The following STON2 variants were observed in gnomAD, a reference collection of about 807,000 sequenced individuals.
STON2 encodes stonin-2.
Under a neutral mutation model 65.7 loss-of-function variants are expected in STON2, and 29 were observed. That is an observed-to-expected ratio of 0.44 (90% CI 0.33 to 0.60). STON2 has a LOEUF of 0.60. Ranked by LOEUF, STON2 falls within the 20% of genes least tolerant of loss-of-function variation. STON2 has a pLI of 0.03. For missense variants in STON2, 1,054 were observed against 1,118.1 expected, an observed-to-expected ratio of 0.94 and a Z score of 0.82; for synonymous variants, 404 against 414.2, an observed-to-expected ratio of 0.98 and a Z score of 0.30.
chr14:81,315,021 T>C (rs1270390806), intron 5 of STON2, among the ~76,000 whole-genome samples: 1 of 152,052 alleles, frequency 6.6e-6, no homozygotes, highest in East Asian at 1.9e-4. Flanking sequence ...AACACCTCCA[T>C]TTTGCATTCT....
At chr14:81,365,179 C>G (rs929925583) in intron 4 of STON2, among the ~76,000 whole-genome samples, 8 of 152,110 alleles carry the variant, frequency 5.3e-5, no homozygotes, top group African/African-American at 1.9e-4. Context: ...TGTCCAGTCT[C>G]CCGCCACTGG....
At chr14:81,425,339 G>C (rs1350498757) in intron 2 of STON2, among the ~76,000 whole-genome samples, 2 of 152,156 alleles carry the variant, frequency 1.3e-5, no homozygotes. Context: ...AGAGGCTGAG[G>C]AGGAGGGAGG....
At chr14:81,280,084 T>C (rs1895045105) in intron 5 of STON2, among the ~76,000 whole-genome samples, 2 of 152,352 alleles carry the variant, frequency 1.3e-5, no homozygotes, top group Non-Finnish European at 2.9e-5. Context: ...AAAATGCTCA[T>C]GATATAATCT....
At chr14:81,284,724 T>C (rs1895266238) in intron 5 of STON2, among the ~76,000 whole-genome samples, 1 of 152,314 alleles carries the variant, frequency 6.6e-6, no homozygotes, top group African/African-American at 2.4e-5. Flanking sequence ...AGATGCCATC[T>C]AGGATGTTAA....
At position 81,278,361 on chromosome 14, in the gene STON2, T is replaced by C. The variant is rs1372914337; in HGVS notation, c.1121A>G (p.Asn374Ser). The C allele has an allele frequency of 1.2e-6, 2 of 1,614,168 alleles. No individual in the cohort carries two copies. The highest frequency in any genetic ancestry group is 1.1e-5 in the South Asian group (1 of 91,086). ...GGGCTGTACATCCTGCAGAGTCTCA[T>C]TCAGGAAAGGGTTGGTTGCCCTCCA... is the stretch of plus-strand genomic sequence containing the variant. ...SPWRATNPFL[N>S]ETLQDVQPSP... Residue 374 changes from asparagine to serine, a missense_variant, in exon 6 of 8, where the codon AAT becomes AGT. Coordinates refer to ENST00000614646, the MANE Select transcript of STON2 (RefSeq NM_001394390.1).
Position 81,291,858 on chromosome 14 carries a change from TACACACACACAC to T in STON2, c.743-13131_743-13120del, listed in dbSNP as rs59366676. 5.7e-3 allele frequency among the ~76,000 whole-genome samples: 789 copies of T among 137,798 alleles called. 7 individuals are homozygous for T. Among genetic ancestry groups the T allele is most frequent in the Middle Eastern group, 0.021 (6 of 282 alleles). The allele number at this position is 137,798 out of a possible 152,430, so 90.4% of individuals were successfully genotyped here. A position where few individuals can be genotyped will look rare whatever the true frequency, so the allele number is the denominator to read the frequency against. On this transcript the variant is annotated intron_variant, in intron 5 of 7. Coordinates refer to ENST00000614646, the MANE Select transcript of STON2 (RefSeq NM_001394390.1). ...GCATGTTTCAAATACTTAGCATGGG[TACACACACACAC>T]ACACACACACACACACACACACACA...
intron 6 of STON2, among the ~76,000 whole-genome samples, chr14:81,271,699 G>T (rs769707265): frequency 6.6e-6 from 1 of 152,190 alleles, no homozygotes; most frequent in African/African-American, 2.4e-5. Context: ...TTTTACTTGA[G>T]AATTGTTATT....
intron 5 of STON2, among the ~76,000 whole-genome samples, chr14:81,309,952 T>C (rs1896358285): frequency 6.6e-6 from 1 of 152,094 alleles, no homozygotes; most frequent in South Asian, 2.1e-4. Flanking sequence ...GGTCAAGAGA[T>C]CATATATGCA....
At chr14:81,430,832 T>C (rs1902198039) in intron 1 of STON2, among the ~76,000 whole-genome samples, 1 of 152,214 alleles carries the variant, frequency 6.6e-6, no homozygotes, top group Non-Finnish European at 1.5e-5. Flanking sequence ...ATCAAAGTGC[T>C]GGGTAAATGT....
intron 3 of STON2, among the ~76,000 whole-genome samples, chr14:81,385,948 C>G (rs1282065571): frequency 6.6e-6 from 1 of 152,140 alleles, no homozygotes; most frequent in Non-Finnish European, 1.5e-5. Flanking sequence ...CCCCCCGCTG[C>G]AGAGGCGATG....
chr14:81,358,130 T>C (rs1008414107), intron 4 of STON2, among the ~76,000 whole-genome samples: 1 of 152,142 alleles, frequency 6.6e-6, no homozygotes. Context: ...AAATGTACTA[T>C]AATGATGATG....
At position 81,277,556 on chromosome 14, in the gene STON2, T is replaced by TTTGCTCACAATGGCA. The variant is rs1894897263; in HGVS notation, c.1925_1926insTGCCATTGTGAGCAA (p.Ser641_Lys642insAsnAlaIleValSer). ...GGTGCTGGAGAATCTGGTTGTCTCC[T>TTTGCTCACAATGGCA]TTGCTCACAATGCCAGAGAATTCAT... is the stretch of plus-strand genomic sequence containing the variant. On this transcript the variant is annotated inframe_insertion, in exon 6 of 8. Transcript: ENST00000614646. 1.9e-6 allele frequency: 3 copies of TTTGCTCACAATGGCA among 1,614,188 alleles called. No individual in the cohort carries two copies. Among genetic ancestry groups the TTTGCTCACAATGGCA allele is most frequent in the Non-Finnish European group, 2.5e-6 (3 of 1,180,032 alleles).
In STON2 at chr14:81,262,317, C is replaced by T; in HGVS notation, c.*6097G>A. On this transcript the variant is annotated 3_prime_UTR_variant, in exon 8 of 8. Transcript: ENST00000614646. Reference sequence around the variant, plus strand: ...CTTTAAATAAACAATCCTCAATGTCCTCGTGTCTAGCCTTTCCTCCCTTTA... The same window carrying T: ...CTTTAAATAAACAATCCTCAATGTCTTCGTGTCTAGCCTTTCCTCCCTTTA... 1.0e-6 allele frequency: 1 copy of T among 985,438 alleles called. No individual in the cohort carries two copies. The highest frequency in any genetic ancestry group is 1.2e-6 in the Non-Finnish European group (1 of 829,928). 61.0% of individuals were successfully genotyped at this position (985,438 alleles called of 1,614,324 possible). A position where few individuals can be genotyped will look rare whatever the true frequency, so the allele number is the denominator to read the frequency against.
chr14:81,265,547 C>A lies in STON2; in HGVS notation c.*2867G>T, dbSNP rs888944840. ...GCAGGCGCCTGTAATCCCAGCTACTCAGGAGGCTGAGGCAGGAGATTTGGG... is the reference window on the plus strand; with the variant it reads ...GCAGGCGCCTGTAATCCCAGCTACTAAGGAGGCTGAGGCAGGAGATTTGGG... On this transcript the variant is annotated 3_prime_UTR_variant, in exon 8 of 8. Transcript: ENST00000614646. The A allele has an allele frequency of 5.7e-5, 17 of 298,878 alleles. No homozygotes were observed. The highest frequency in any genetic ancestry group is 8.4e-5 in the Non-Finnish European group (17 of 202,830). 18.5% of individuals were successfully genotyped at this position (298,878 alleles called of 1,614,324 possible). A position where few individuals can be genotyped will look rare whatever the true frequency, so the allele number is the denominator to read the frequency against.
At chr14:81,424,499 T>A (rs1166642937) in intron 2 of STON2, among the ~76,000 whole-genome samples, 1 of 148,498 alleles carries the variant, frequency 6.7e-6, no homozygotes, top group African/African-American at 2.5e-5. Context: ...ACACTCTCAC[T>A]AAAAAAAAAA....
At chr14:81,295,677 GA>G (rs1267066215) in intron 5 of STON2, among the ~76,000 whole-genome samples, 2 of 152,016 alleles carry the variant, frequency 1.3e-5, no homozygotes. Context: ...TGCCTCCAAT[GA>G]AAACGACTCA....
chr14:81,371,266 G>A (rs1312801678), intron 3 of STON2, 81 bp from the exon 4 acceptor site: 5 of 1,305,732 alleles, frequency 3.8e-6, no homozygotes, highest in Non-Finnish European at 5.4e-6. Flanking sequence ...TTACTTTGAT[G>A]TTGCTCACAT....
chr14:81,397,234 A>C (rs1158934800), intron 2 of STON2, among the ~76,000 whole-genome samples: 2 of 152,214 alleles, frequency 1.3e-5, no homozygotes, highest in Admixed American at 6.5e-5. Flanking sequence ...CAACCGGTCC[A>C]TCTGCAAGTA....
chr14:81,277,117 A>C lies in STON2; in HGVS notation c.2365T>G (p.Tyr789Asp), dbSNP rs1276418855. 2 of 1,614,082 alleles carry C rather than the reference A, an allele frequency of 1.2e-6. No individual in the cohort carries two copies. The highest frequency in any genetic ancestry group is 1.7e-6 in the Non-Finnish European group (2 of 1,180,044). ...TTCACCCACTCACTGGGCACAGGGT[A>C]ACGGATCATCACATTCTCACAGGGA... ...QVPCENVMIRYPVPSEWVKNF... is the reference protein window; with the variant it reads ...QVPCENVMIRDPVPSEWVKNF... The change falls in exon 6 of 8, where the codon TAC becomes GAC. Residue 789 changes from tyrosine to aspartate, a missense_variant. Tyr to Asp is a radical substitution (Grantham distance 160). Transcript: ENST00000614646.
Sources: gnomAD v4.1 joint callset for allele counts (sites outside exome capture counted in the v4.1 genomes callset) on GRCh38, gnomAD v4.1.1 for gene constraint, MANE v1.5 for transcripts, NCBI Gene and HGNC (gene_info 2026-07-23, HGNC 2026-07-21) for gene names.